The following CRTAC1 variants were observed in gnomAD, a reference collection of about 807,000 sequenced individuals.
CRTAC1 encodes the protein cartilage acidic protein 1, also known as acidic secreted protein in cartilage.
A neutral mutation model predicts 67.8 loss-of-function variants in CRTAC1; 37 were observed. The observed-to-expected ratio is 0.55, with a 90% confidence interval of 0.42 to 0.72. CRTAC1 has a LOEUF of 0.72. Ranked by LOEUF, CRTAC1 falls within the 30% of genes least tolerant of loss-of-function variation. CRTAC1 has a pLI of 0.00. For missense variants in CRTAC1, 780 were observed against 931.6 expected, an observed-to-expected ratio of 0.84 and a Z score of 2.12; for synonymous variants, 348 against 371.0, an observed-to-expected ratio of 0.94 and a Z score of 0.71.
intron 2 of CRTAC1, among the ~76,000 whole-genome samples, chr10:97,981,986 A>G (rs1246624377): frequency 6.6e-6 from 1 of 152,170 alleles, no homozygotes; most frequent in Non-Finnish European, 1.5e-5. Flanking sequence ...CACCTACCAC[A>G]TTACAGGAAA....
chr10:97,895,817 C>T lies in CRTAC1; in HGVS notation c.1317+68G>A. Reference sequence around the variant, plus strand: ...CCAAGCCAGCACCCCGGCACCTTGCCCTCACCAACTCAAGGTACCCGAGAG... The same window carrying T: ...CCAAGCCAGCACCCCGGCACCTTGCTCTCACCAACTCAAGGTACCCGAGAG... On this transcript the variant is annotated intron_variant, in intron 10 of 14. Transcript: ENST00000370597. The surrounding 1 kb of genome is among the most constrained non-coding windows in gnomAD (Gnocchi z 4.2). The T allele has an allele frequency of 2.2e-6, 3 of 1,356,520 alleles. No homozygotes were observed. The highest frequency in any genetic ancestry group is 2.1e-6 in the Non-Finnish European group (2 of 954,300). 84.0% of individuals were successfully genotyped at this position (1,356,520 alleles called of 1,614,324 possible). A position where few individuals can be genotyped will look rare whatever the true frequency, so the allele number is the denominator to read the frequency against.
chr10:97,999,223 C>T (rs1590278012), intron 2 of CRTAC1, among the ~76,000 whole-genome samples: 1 of 152,238 alleles, frequency 6.6e-6, no homozygotes, highest in East Asian at 1.9e-4. Flanking sequence ...CCCCACCATC[C>T]TGGGCACAGC....
chr10:97,872,107 T>TCGCCAC (rs2050099480), intron 14 of CRTAC1, among the ~76,000 whole-genome samples: 3 of 149,278 alleles, frequency 2.0e-5, no homozygotes, highest in Non-Finnish European at 4.4e-5. Context: ...TCTTACTCAC[T>TCGCCAC]CCCCACCCCC....
intron 2 of CRTAC1, among the ~76,000 whole-genome samples, chr10:97,960,391 C>T (rs2051507184): frequency 6.6e-6 from 1 of 152,220 alleles, no homozygotes; most frequent in African/African-American, 2.4e-5. Flanking sequence ...ACTGGAAACC[C>T]TCTTGGAAAA....
At chr10:97,958,526 ACCC>A (rs1411251040) in intron 2 of CRTAC1, among the ~76,000 whole-genome samples, 1 of 151,754 alleles carries the variant, frequency 6.6e-6, no homozygotes, top group Admixed American at 6.6e-5. Flanking sequence ...TTCCCACATT[ACCC>A]CCCATCGTTG....
chr10:97,936,100 G>T, intron 3 of CRTAC1, 70 bp downstream of exon 3: 1 of 1,447,622 alleles, frequency 6.9e-7, no homozygotes, highest in Non-Finnish European at 9.4e-7. Flanking sequence ...GGGTTCCCAT[G>T]GCCCTCCCCA....
At chr10:97,945,377 T>C (rs1053632673) in intron 2 of CRTAC1, among the ~76,000 whole-genome samples, 3 of 152,218 alleles carry the variant, frequency 2.0e-5, no homozygotes, top group Non-Finnish European at 4.4e-5. Flanking sequence ...TGTTTCCCAT[T>C]TTGAATGCAC....
rs116393558 is a variant in CRTAC1, at chr10:97,964,887, C to T, written c.225-28521G>A. 3.6e-3 allele frequency among the ~76,000 whole-genome samples: 553 copies of T among 152,212 alleles called. 10 individuals carry two copies. Among genetic ancestry groups the T allele is most frequent in the African/African-American group, 0.013 (529 of 41,526 alleles). On this transcript the variant is annotated intron_variant, in intron 2 of 14. Transcript: ENST00000370597. ...TTGTGGTAAGACTAATCTGGTGTCC[C>T]GAGAAGGAGGGCATTTCATTCTACT...
At chr10:97,894,499 G>A (rs1337345389) in intron 11 of CRTAC1, among the ~76,000 whole-genome samples, 2 of 150,984 alleles carry the variant, frequency 1.3e-5, no homozygotes, top group Admixed American at 6.6e-5. Context: ...GGGCTCAGGC[G>A]AGCCTCCCAC....
At chr10:97,950,078 C>T (rs887730874) in intron 2 of CRTAC1, among the ~76,000 whole-genome samples, 1 of 152,146 alleles carries the variant, frequency 6.6e-6, no homozygotes, top group South Asian at 2.1e-4. Flanking sequence ...ATTCTTCTAG[C>T]CCTTAACACA....
intron 1 of CRTAC1, among the ~76,000 whole-genome samples, chr10:98,014,051 G>C (rs1339541260): frequency 1.3e-5 from 2 of 152,236 alleles, no homozygotes; most frequent in African/African-American, 4.8e-5. Context: ...TAAGCAGTGG[G>C]CTGTCTTGAT....
At chr10:97,993,307 A>G (rs553540440) in intron 2 of CRTAC1, among the ~76,000 whole-genome samples, 2 of 152,360 alleles carry the variant, frequency 1.3e-5, no homozygotes, top group South Asian at 2.1e-4. Flanking sequence ...TCATCATAGA[A>G]AAGTTCCACA....
At chr10:97,978,019 G>T (rs2051834995) in intron 2 of CRTAC1, among the ~76,000 whole-genome samples, 1 of 152,078 alleles carries the variant, frequency 6.6e-6, no homozygotes, top group African/African-American at 2.4e-5. Context: ...TGGACTGCTG[G>T]GTGGAGTGCC....
intron 3 of CRTAC1, among the ~76,000 whole-genome samples, chr10:97,930,040 T>C (rs2050980838): frequency 6.6e-6 from 1 of 152,144 alleles, no homozygotes; most frequent in African/African-American, 2.4e-5. Flanking sequence ...GGAAACCCGA[T>C]CAGCTCCCGC....
At position 97,908,279 on chromosome 10, in the gene CRTAC1, T is replaced by A. The variant is rs2050642677; in HGVS notation, c.716-132A>T. On this transcript the variant is annotated intron_variant, in intron 5 of 14. Transcript: ENST00000370597. ...AGAGGAGCCTGGGGGGAATTCTGCT[T>A]CCCGTGCTTTCCTGAGCCTAAATCT... 4 of 906,242 alleles carry A rather than the reference T, an allele frequency of 4.4e-6. No homozygotes were observed. The South Asian group carries it at 6.8e-5, about 16-fold the overall frequency. 56.1% of individuals were successfully genotyped at this position (906,242 alleles called of 1,614,324 possible).
At chr10:97,995,969 G>C (rs1030449000) in intron 2 of CRTAC1, among the ~76,000 whole-genome samples, 2 of 152,084 alleles carry the variant, frequency 1.3e-5, no homozygotes, top group African/African-American at 4.8e-5. Flanking sequence ...GACCATCCTG[G>C]CTAACATGGT....
At chr10:97,934,120 C>A (rs1237191477) in intron 3 of CRTAC1, among the ~76,000 whole-genome samples, 2 of 152,166 alleles carry the variant, frequency 1.3e-5, no homozygotes, top group African/African-American at 4.8e-5. Context: ...TGGCATCTGC[C>A]TGCTGAGCCC....
At chr10:97,999,884 G>A (rs112625542) in intron 2 of CRTAC1, among the ~76,000 whole-genome samples, 10 of 152,200 alleles carry the variant, frequency 6.6e-5, no homozygotes, top group African/African-American at 1.9e-4. Flanking sequence ...TGCTGAGAGC[G>A]GCAGAGATGA....
intron 1 of CRTAC1, among the ~76,000 whole-genome samples, chr10:98,020,870 C>T (rs1843104042): frequency 6.6e-6 from 1 of 152,188 alleles, no homozygotes; most frequent in African/African-American, 2.4e-5. Flanking sequence ...AATGCCATGG[C>T]TGGAGTGGTG....
Sources: gnomAD v4.1 joint callset for allele counts (sites outside exome capture counted in the v4.1 genomes callset) on GRCh38, gnomAD v4.1.1 for gene constraint, Gnocchi (gnomAD v3.1) non-coding constraint, MANE v1.5 for transcripts, NCBI Gene and HGNC (gene_info 2026-07-23, HGNC 2026-07-21) for gene names.